Variants in DTHD1 observed in about 807,000 individuals in gnomAD.
The protein encoded by DTHD1 is death domain containing 1, also known as death domain-containing protein 1.
In DTHD1, 59 loss-of-function variants were observed where a neutral mutation model predicts 74.8. That is an observed-to-expected ratio of 0.79 (90% CI 0.64 to 0.98). The LOEUF (loss-of-function observed/expected upper bound fraction) is 0.98, where lower values mean the gene tolerates loss of function less well. Ranked by LOEUF, DTHD1 falls within the 50% of genes least tolerant of loss-of-function variation. The pLI is 0.00. For synonymous variants in DTHD1, 365 were observed against 371.1 expected (o/e 0.98, Z 0.19); for missense variants, 1,051 against 1,065.4 (o/e 0.99, Z 0.19).
chr4:36,296,541 T>C (rs1479294229), intron 5 of DTHD1, among the ~76,000 whole-genome samples: 1 of 151,748 alleles, frequency 6.6e-6, no homozygotes, highest in Non-Finnish European at 1.5e-5. Context: ...TAAGAGCGAG[T>C]GTAAGCAAGA....
intron 1 of DTHD1, among the ~76,000 whole-genome samples, chr4:36,282,377 T>C (rs569710445): frequency 1.3e-5 from 2 of 152,154 alleles, no homozygotes; most frequent in Admixed American, 6.5e-5. Context: ...TCGGTAATTT[T>C]AGTAGGATCC....
chr4:36,331,303 A>G (rs577387272), intron 8 of DTHD1, among the ~76,000 whole-genome samples: 1 of 152,324 alleles, frequency 6.6e-6, no homozygotes, highest in East Asian at 1.9e-4. Flanking sequence ...ATGATTTTAC[A>G]TTATAAACAA....
At chr4:36,284,651 G>A (rs985885465) in intron 2 of DTHD1, 60 bp downstream of exon 2, 1 of 1,254,054 alleles carries the variant, frequency 8.0e-7, no homozygotes. Flanking sequence ...TGTTTCTATA[G>A]TTAGTACATG....
At chr4:36,332,278 C>T in intron 8 of DTHD1, among the ~76,000 whole-genome samples, 1 of 151,434 alleles carries the variant, frequency 6.6e-6, no homozygotes, top group East Asian at 1.9e-4. Context: ...CTCTAGTATT[C>T]AAAGGTAGCA....
intron 8 of DTHD1, among the ~76,000 whole-genome samples, chr4:36,326,467 A>C: frequency 6.6e-6 from 1 of 151,348 alleles, no homozygotes; most frequent in East Asian, 1.9e-4. Context: ...ACTGAAGCAT[A>C]TAGAGGTTTT....
At chr4:36,290,767 C>G in intron 3 of DTHD1, 64 bp downstream of exon 3, 1 of 1,273,786 alleles carries the variant, frequency 7.9e-7, no homozygotes, top group South Asian at 1.5e-5. Context: ...ATCACTCAGA[C>G]TAACAGATTG....
chr4:36,314,612 G>A (rs182961894), intron 7 of DTHD1, among the ~76,000 whole-genome samples: 69 of 152,084 alleles, frequency 4.5e-4, no homozygotes, highest in African/African-American at 1.5e-3. Flanking sequence ...AGCTTGGGAG[G>A]TGGAGGTTTT....
rs565208872 is a variant in DTHD1, at chr4:36,337,231, C to A, written c.2341-1881C>A. On this transcript the variant is annotated intron_variant, in intron 8 of 9. Coordinates refer to ENST00000639862, the MANE Select transcript of DTHD1 (RefSeq NM_001170700.3). ...GGAAAAGAAGGCAACGTAGAAAATC[C>A]TTTATGAAGGGGCCACATGGGAGAC... Among the ~76,000 whole-genome samples the A allele has an allele frequency of 2.0e-5, 3 of 152,144 alleles. No homozygotes were observed. The South Asian group carries it at 6.2e-4, about 32-fold the overall frequency.
chr4:36,298,317 TAA>T lies in DTHD1; in HGVS notation c.1643+3282_1643+3283del, dbSNP rs533957068. Among the ~76,000 whole-genome samples the T allele has an allele frequency of 2.1e-3, 325 of 152,288 alleles. 1 individual carries two copies. Among genetic ancestry groups the T allele is most frequent in the African/African-American group, 7.4e-3 (309 of 41,560 alleles). On this transcript the variant is annotated intron_variant, in intron 5 of 9. Transcript: ENST00000639862. ...AGCACAATTGCAACATAGTAAGTGC[TAA>T]AAACATTAGGTAAATTAAATAAATT...
intron 5 of DTHD1, among the ~76,000 whole-genome samples, chr4:36,298,038 A>G (rs1756545992): frequency 6.6e-6 from 1 of 151,928 alleles, no homozygotes; most frequent in African/African-American, 2.4e-5. Flanking sequence ...TTGCTAGAAT[A>G]AGCCACTTTT....
In DTHD1 at chr4:36,293,720, A is replaced by G; in HGVS notation, c.1398+15A>G. On this transcript the variant is annotated intron_variant, in intron 4 of 9. Coordinates refer to ENST00000639862, the MANE Select transcript of DTHD1 (RefSeq NM_001170700.3). ...TGCAGTTAAAGGTAAACATATTAAA[A>G]ATAGGTGAGTTCCTGCTCATAGATT... The G allele has an allele frequency of 1.4e-6, 2 of 1,481,204 alleles. No individual in the cohort carries two copies. Among genetic ancestry groups the G allele is most frequent in the South Asian group, 1.3e-5 (1 of 74,190 alleles). The allele number at this position is 1,481,204 out of a possible 1,614,324, so 91.8% of individuals were successfully genotyped here. A position where few individuals can be genotyped will look rare whatever the true frequency, so the allele number is the denominator to read the frequency against.
Position 36,283,970 on chromosome 4 carries a change from G to C in DTHD1, c.272-6G>C. 1 of 1,509,182 alleles carries C rather than the reference G, an allele frequency of 6.6e-7. No homozygotes were observed. Among genetic ancestry groups the C allele is most frequent in the South Asian group, 1.2e-5 (1 of 83,270 alleles). The allele number at this position is 1,509,182 out of a possible 1,614,324, so 93.5% of individuals were successfully genotyped here. A position where few individuals can be genotyped will look rare whatever the true frequency, so the allele number is the denominator to read the frequency against. ...ATTCTTTGTGTGTCCATGTATGTGT[G>C]TGTAGAAATCATTACTTTCATAGAC... On this transcript the variant is annotated splice_polypyrimidine_tract_variant and splice_region_variant and intron_variant, in intron 1 of 9. Transcript: ENST00000639862.
At chr4:36,301,656 G>C (rs1756780032) in intron 5 of DTHD1, among the ~76,000 whole-genome samples, 1 of 152,084 alleles carries the variant, frequency 6.6e-6, no homozygotes, top group South Asian at 2.1e-4. Flanking sequence ...TCTGTTACCT[G>C]TACCCCAAAG....
chr4:36,290,358 T>G lies in DTHD1; in HGVS notation c.888-15T>G, dbSNP rs1225639053. 1.3e-6 allele frequency: 2 copies of G among 1,531,076 alleles called. No individual in the cohort carries two copies. The highest frequency in any genetic ancestry group is 2.8e-5 in the African/African-American group (2 of 72,130). 94.8% of individuals were successfully genotyped at this position (1,531,076 alleles called of 1,614,324 possible). Reference sequence around the variant, plus strand: ...TCAAATAATTGGAAAAATGACATTCTTTTTCCCCCTCCAGGTATCTTGATG... The same window carrying G: ...TCAAATAATTGGAAAAATGACATTCGTTTTCCCCCTCCAGGTATCTTGATG... On this transcript the variant is annotated splice_polypyrimidine_tract_variant and intron_variant, in intron 2 of 9. Transcript: ENST00000639862.
chr4:36,289,573 A>G (rs1755928930), intron 2 of DTHD1, among the ~76,000 whole-genome samples: 1 of 152,130 alleles, frequency 6.6e-6, no homozygotes, highest in African/African-American at 2.4e-5. Flanking sequence ...AGTAGCACCT[A>G]CCTAATACAA....
intron 8 of DTHD1, among the ~76,000 whole-genome samples, chr4:36,318,222 T>A (rs141219934): frequency 6.6e-6 from 1 of 152,348 alleles, no homozygotes; most frequent in Non-Finnish European, 1.5e-5. Context: ...GTTGAATGGC[T>A]ATTATGCTGT....
intron 8 of DTHD1, among the ~76,000 whole-genome samples, chr4:36,318,612 C>CTTTTTTTTTTTTTTTTTT (rs397992934): frequency 1.2e-4 from 13 of 111,798 alleles, no homozygotes; most frequent in Non-Finnish European, 1.6e-4. Flanking sequence ...TTTTTCTTTT[C>CTTTTTTTTTTTTTTTTTT]TTTTTTTTTT....
chr4:36,302,326 T>C (rs1373251235), intron 5 of DTHD1, among the ~76,000 whole-genome samples: 4 of 152,180 alleles, frequency 2.6e-5, no homozygotes, highest in Admixed American at 6.5e-5. Context: ...AGGGTTTTTT[T>C]CTCTGTACAA....
At chr4:36,316,630 AT>A in intron 8 of DTHD1, 144 bp downstream of exon 8, 1 of 780,632 alleles carries the variant, frequency 1.3e-6, no homozygotes, top group Non-Finnish European at 2.0e-6. Context: ...GGTAGGTCCA[AT>A]TTTAGAGTAT....
Sources: gnomAD v4.1 joint callset for allele counts (sites outside exome capture counted in the v4.1 genomes callset) on GRCh38, gnomAD v4.1.1 for gene constraint, MANE v1.5 for transcripts, NCBI Gene and HGNC (gene_info 2026-07-23, HGNC 2026-07-21) for gene names.